BAZ2B: variants seen among roughly 807,000 people sequenced by gnomAD.
The protein encoded by BAZ2B is bromodomain adjacent to zinc finger domain 2B.
Under a neutral mutation model 246.0 loss-of-function variants are expected in BAZ2B, and 91 were observed. That is an observed-to-expected ratio of 0.37 (90% CI 0.31 to 0.44). BAZ2B has a LOEUF of 0.44. Ranked by LOEUF, BAZ2B falls within the 20% of genes least tolerant of loss-of-function variation. The probability of loss-of-function intolerance (pLI) is 1.00; values close to 1 mark genes in which losing one functional copy is unlikely to be tolerated. For synonymous variants in BAZ2B, 855 were observed against 860.0 expected, an observed-to-expected ratio of 0.99 and a Z score of 0.10; for missense variants, 2,332 against 2,533.7, an observed-to-expected ratio of 0.92 and a Z score of 1.71.
intron 3 of BAZ2B, chr2:159,462,247 T>A (rs2076497098): frequency 1.8e-6 from 1 of 570,450 alleles, no homozygotes. Context: ...TGCTATAGGT[T>A]CAACAGTATT....
chr2:159,699,726 C>T, the BAZ2B span, among the ~76,000 whole-genome samples: 1 of 152,168 alleles, frequency 6.6e-6, no homozygotes, highest in Non-Finnish European at 1.5e-5. Flanking sequence ...CTTTTCTGGG[C>T]CCAGTTGTAA....
At chr2:159,589,665 C>T (rs147714585) in intron 1 of BAZ2B, among the ~76,000 whole-genome samples, 88 of 152,226 alleles carry the variant, frequency 5.8e-4, no homozygotes, top group African/African-American at 2.0e-3. Flanking sequence ...TTTATCTCAT[C>T]CTATTTCATT....
At chr2:159,482,150 C>T (rs1001845309) in intron 2 of BAZ2B, among the ~76,000 whole-genome samples, 1 of 143,878 alleles carries the variant, frequency 7.0e-6, no homozygotes, top group African/African-American at 2.5e-5. Flanking sequence ...AAAAAACCCA[C>T]AAAGTCTTCC....
rs1271186448 is a variant in BAZ2B, at chr2:159,375,053, G to A, written c.4006-300C>T. 3.3e-5 allele frequency among the ~76,000 whole-genome samples: 5 copies of A among 151,966 alleles called. No individual in the cohort carries two copies. The East Asian group carries it at 5.8e-4, about 18-fold the overall frequency. Reference sequence around the variant, plus strand: ...CATCATAGTCAGACCCAGTATCTACGAAAAATAAAATTAGCTTAGTGGCTT... The same window carrying A: ...CATCATAGTCAGACCCAGTATCTACAAAAAATAAAATTAGCTTAGTGGCTT... On this transcript the variant is annotated intron_variant, in intron 25 of 36. Transcript: ENST00000392783.
intron 2 of BAZ2B, among the ~76,000 whole-genome samples, chr2:159,548,216 T>G (rs1482354537): frequency 6.6e-6 from 1 of 152,194 alleles, no homozygotes; most frequent in East Asian, 1.9e-4. Flanking sequence ...ATTTTAAAAT[T>G]TTAACACCTT....
upstream of BAZ2B, among the ~76,000 whole-genome samples, chr2:159,621,258 C>T (rs1696418605): frequency 2.0e-5 from 3 of 152,002 alleles, no homozygotes; most frequent in Non-Finnish European, 2.9e-5. Context: ...CTAGAATTGT[C>T]CCCAGTGTCC....
At chr2:159,430,811 C>A in intron 10 of BAZ2B, 52 bp downstream of exon 10, 1 of 1,552,336 alleles carries the variant, frequency 6.4e-7, no homozygotes, top group Non-Finnish European at 8.7e-7. Context: ...AATAAAAATT[C>A]TTGCTATGGT....
intron 16 of BAZ2B, among the ~76,000 whole-genome samples, chr2:159,401,111 C>T (rs1224128078): frequency 6.6e-6 from 1 of 151,604 alleles, no homozygotes; most frequent in African/African-American, 2.4e-5. Context: ...TAGCGTAAAA[C>T]CATATATATT....
At chr2:159,688,867 G>A in the BAZ2B span, among the ~76,000 whole-genome samples, 1 of 152,182 alleles carries the variant, frequency 6.6e-6, no homozygotes, top group Non-Finnish European at 1.5e-5. Context: ...CAGCAGAAGC[G>A]ATGTGCTCTT....
intron 1 of BAZ2B, among the ~76,000 whole-genome samples, chr2:159,558,406 G>A (rs887575409): frequency 2.6e-5 from 4 of 152,024 alleles, no homozygotes; most frequent in Admixed American, 6.6e-5. Context: ...ACAGGCATGC[G>A]CCACCATGCC....
At chr2:159,325,025 TCA>T in intron 35 of BAZ2B, 71 bp from the exon 36 acceptor site, 1 of 249,978 alleles carries the variant, frequency 4.0e-6, no homozygotes, top group South Asian at 5.3e-5. Context: ...AAAAAAGCTT[TCA>T]GTTATTATAT....
chr2:159,365,917 AC>A (rs1323196827), intron 27 of BAZ2B, among the ~76,000 whole-genome samples: 1 of 152,232 alleles, frequency 6.6e-6, no homozygotes, highest in East Asian at 1.9e-4. Context: ...AACAGACTGT[AC>A]CAAATAATCC....
At chr2:159,652,770 A>G in the BAZ2B span, among the ~76,000 whole-genome samples, 1 of 151,662 alleles carries the variant, frequency 6.6e-6, no homozygotes. Flanking sequence ...GGTGTGTGGT[A>G]CCATGCCTGG....
chr2:159,510,015 C>A (rs1236402906), intron 2 of BAZ2B, among the ~76,000 whole-genome samples: 1 of 151,594 alleles, frequency 6.6e-6, no homozygotes, highest in Non-Finnish European at 1.5e-5. Flanking sequence ...ATAGATGAAC[C>A]CTGAAAACTC....
chr2:159,452,010 T>A lies in BAZ2B; in HGVS notation c.334+1603A>T, dbSNP rs562793909. On this transcript the variant is annotated intron_variant, in intron 4 of 36. Transcript: ENST00000392783. ...CAGCAATCTTGTATTTCAGTAAATA[T>A]CTGTGGAATGCTCATCTTGCTAAAC... Among the ~76,000 whole-genome samples the A allele has an allele frequency of 3.3e-5, 5 of 152,308 alleles. No homozygotes were observed. The South Asian group carries it at 1.0e-3, about 32-fold the overall frequency.
intron 2 of BAZ2B, among the ~76,000 whole-genome samples, chr2:159,485,742 T>C (rs962861561): frequency 1.3e-5 from 2 of 152,104 alleles, no homozygotes; most frequent in African/African-American, 4.8e-5. Context: ...AAATTAATAC[T>C]GCATTGAAAT....
chr2:159,424,936 C>T (rs1404811676), intron 13 of BAZ2B, among the ~76,000 whole-genome samples: 1 of 152,072 alleles, frequency 6.6e-6, no homozygotes. Flanking sequence ...TTTCAATCCA[C>T]AATTGCTTCA....
chr2:159,696,202 T>C, the BAZ2B span, among the ~76,000 whole-genome samples: 6 of 152,098 alleles, frequency 3.9e-5, no homozygotes, highest in Admixed American at 6.5e-5. Flanking sequence ...GTCCTGTCAC[T>C]TCTTCTTTTC....
chr2:159,519,183 T>C (rs1217905143), intron 2 of BAZ2B, among the ~76,000 whole-genome samples: 4 of 148,822 alleles, frequency 2.7e-5, no homozygotes, highest in African/African-American at 9.8e-5. Context: ...AATTCCATTT[T>C]CAAATTCCAA....
Sources: allele counts gnomAD v4.1 joint callset (sites outside exome capture counted in the v4.1 genomes callset), GRCh38; gene constraint gnomAD v4.1.1; transcripts MANE v1.5; gene names NCBI Gene and HGNC (gene_info 2026-07-23, HGNC 2026-07-21).